FAM117B: variants seen among roughly 807,000 people sequenced by gnomAD.
FAM117B encodes the protein family with sequence similarity 117 member B.
Under a neutral mutation model 52.8 loss-of-function variants are expected in FAM117B, and 22 were observed. The ratio of observed to expected loss-of-function variants is 0.42; its 90% confidence interval spans 0.30 to 0.59. The LOEUF (loss-of-function observed/expected upper bound fraction) is 0.59, where lower values mean the gene tolerates loss of function less well. FAM117B is among the 20% of genes least tolerant of loss of function. The pLI is 0.22. For synonymous variants in FAM117B, 309 were observed against 324.1 expected, an observed-to-expected ratio of 0.95 and a Z score of 0.50; for missense variants, 678 against 802.6, an observed-to-expected ratio of 0.84 and a Z score of 1.88.
chr2:202,744,895 T>C (rs1691606663), intron 4 of FAM117B, among the ~76,000 whole-genome samples: 1 of 145,042 alleles, frequency 6.9e-6, no homozygotes, highest in South Asian at 2.2e-4. Flanking sequence ...GAGAATCACT[T>C]GAACCCGGGA....
chr2:202,656,870 A>G lies in FAM117B; in HGVS notation c.601+21082A>G, dbSNP rs778697974. Among the ~76,000 whole-genome samples, 7 of 152,156 alleles carry G rather than the reference A, an allele frequency of 4.6e-5. No individual in the cohort carries two copies. The South Asian group carries it at 1.0e-3, about 23-fold the overall frequency. Reference sequence around the variant, plus strand: ...TTTGAAGCTTTAAAAAAAAGTCCATAAACATTTAGAATTGTTATATATTTT... The same window carrying G: ...TTTGAAGCTTTAAAAAAAAGTCCATGAACATTTAGAATTGTTATATATTTT... On this transcript the variant is annotated intron_variant, in intron 1 of 7. Transcript: ENST00000392238.
intron 1 of FAM117B, among the ~76,000 whole-genome samples, chr2:202,675,284 A>G (rs1690360953): frequency 2.0e-5 from 3 of 151,754 alleles, no homozygotes; most frequent in African/African-American, 7.3e-5. Context: ...TGTCTCTACA[A>G]AAAATACAAA....
intron 2 of FAM117B, among the ~76,000 whole-genome samples, chr2:202,698,245 A>G (rs1192829313): frequency 1.3e-5 from 2 of 152,208 alleles, no homozygotes; most frequent in Admixed American, 6.5e-5. Flanking sequence ...CCAAAATTCC[A>G]GGTATTCTTA....
At chr2:202,703,387 G>A (rs1690824493) in intron 2 of FAM117B, among the ~76,000 whole-genome samples, 1 of 152,126 alleles carries the variant, frequency 6.6e-6, no homozygotes, top group Admixed American at 6.5e-5. Context: ...CTCCTTCCCT[G>A]TGTTGCCTAG....
chr2:202,718,472 CTTTAT>C (rs1231707331), intron 2 of FAM117B, among the ~76,000 whole-genome samples: 2 of 151,826 alleles, frequency 1.3e-5, no homozygotes, highest in East Asian at 3.9e-4. Flanking sequence ...TAATGCTGTT[CTTTAT>C]TTTGTTAATG....
chr2:202,695,416 C>G (rs948902968), intron 1 of FAM117B, among the ~76,000 whole-genome samples: 2 of 152,220 alleles, frequency 1.3e-5, no homozygotes, highest in African/African-American at 4.8e-5. Context: ...CCACCAGGAA[C>G]GTGAATCATT....
At chr2:202,753,360 A>G (rs1035656037) in intron 4 of FAM117B, among the ~76,000 whole-genome samples, 2 of 152,212 alleles carry the variant, frequency 1.3e-5, no homozygotes, top group Non-Finnish European at 2.9e-5. Context: ...CCTTATACAA[A>G]AATTAAGATG....
intron 1 of FAM117B, among the ~76,000 whole-genome samples, chr2:202,694,028 A>T (rs754007760): frequency 3.3e-5 from 5 of 152,028 alleles, no homozygotes; most frequent in African/African-American, 1.2e-4. Context: ...ACTGGCAACT[A>T]TGGGGTAAGG....
At chr2:202,717,635 C>T (rs1418892824) in intron 2 of FAM117B, among the ~76,000 whole-genome samples, 3 of 152,212 alleles carry the variant, frequency 2.0e-5, no homozygotes, top group South Asian at 4.2e-4. Context: ...GACCCTTGTT[C>T]GGTTCTGTTT....
At position 202,767,975 on chromosome 2, in the gene FAM117B, A is replaced by G. The variant is rs943408553; in HGVS notation, c.*2211A>G. On this transcript the variant is annotated 3_prime_UTR_variant, in exon 8 of 8. Transcript: ENST00000392238. ...GCCTTGATATTTTGCCTTCTTTGTTATGCATTATAACTTGACTGTATCACC... is the reference window on the plus strand; with the variant it reads ...GCCTTGATATTTTGCCTTCTTTGTTGTGCATTATAACTTGACTGTATCACC... 8 of 152,198 alleles carry G rather than the reference A, an allele frequency of 5.3e-5. No homozygotes were observed. The highest frequency in any genetic ancestry group is 6.5e-5 in the Admixed American group (1 of 15,276). 9.4% of individuals were successfully genotyped at this position (152,198 alleles called of 1,614,324 possible).
intron 1 of FAM117B, among the ~76,000 whole-genome samples, chr2:202,654,062 TGAGAGAGA>T (rs60490884): frequency 0.094 from 12,725 of 134,826 alleles, 1,857 homozygotes; most frequent in African/African-American, 0.32. Flanking sequence ...AGAGAGTGAG[TGAGAGAGA>T]GAGAGAGAGA....
chr2:202,705,916 A>C (rs1690863245), intron 2 of FAM117B, among the ~76,000 whole-genome samples: 1 of 152,176 alleles, frequency 6.6e-6, no homozygotes, highest in Non-Finnish European at 1.5e-5. Context: ...CAACTTTCTT[A>C]ACCTAGGCTT....
Position 202,640,708 on chromosome 2 carries a change from C to T in FAM117B, c.601+4920C>T, listed in dbSNP as rs1181189294. ...CACTGCAACCTCTGCCTCCGGGGTT[C>T]GGGTAATTCTCCCGCCTTAGCTTCC... On this transcript the variant is annotated intron_variant, in intron 1 of 7. Coordinates refer to ENST00000392238, the MANE Select transcript of FAM117B (RefSeq NM_173511.4). 4.6e-5 allele frequency among the ~76,000 whole-genome samples: 7 copies of T among 151,630 alleles called. No individual in the cohort carries two copies. The East Asian group carries it at 7.8e-4, about 17-fold the overall frequency.
intron 1 of FAM117B, among the ~76,000 whole-genome samples, chr2:202,672,038 C>A (rs915712948): frequency 6.6e-6 from 1 of 152,128 alleles, no homozygotes; most frequent in Non-Finnish European, 1.5e-5. Context: ...GTGGCCAGAC[C>A]AGTTGCATGG....
At chr2:202,675,417 G>A (rs1459087376) in intron 1 of FAM117B, among the ~76,000 whole-genome samples, 1 of 131,906 alleles carries the variant, frequency 7.6e-6, no homozygotes, top group African/African-American at 3.0e-5. Context: ...CCGCACTACC[G>A]CCTGGGCGAC....
Position 202,635,226 on chromosome 2 carries a change from G to C in FAM117B, c.39G>C (p.Pro13=). The change falls in exon 1 of 8, where the codon CCG becomes CCC. Residue 13 remains proline, a synonymous_variant. Coordinates refer to ENST00000392238, the MANE Select transcript of FAM117B (RefSeq NM_173511.4). ...TGAGGCGCAATGGGTCCCCCACGCC[G>C]GCCGGCTCCCTTGGGGGTGGTGCGG... ...QRVRRNGSPT[P]AGSLGGGAVA... 1 of 1,306,940 alleles carries C rather than the reference G, an allele frequency of 7.7e-7. No homozygotes were observed. The allele number at this position is 1,306,940 out of a possible 1,614,324, so 81.0% of individuals were successfully genotyped here. A position where few individuals can be genotyped will look rare whatever the true frequency, so the allele number is the denominator to read the frequency against.
intron 4 of FAM117B, among the ~76,000 whole-genome samples, chr2:202,727,638 G>A (rs193292495): frequency 6.6e-6 from 1 of 152,270 alleles, no homozygotes; most frequent in Admixed American, 6.5e-5. Flanking sequence ...ACAGGAGGAT[G>A]TTCCTAAATC....
intron 1 of FAM117B, among the ~76,000 whole-genome samples, chr2:202,692,747 T>A (rs1690654265): frequency 1.3e-5 from 2 of 152,200 alleles, no homozygotes; most frequent in Non-Finnish European, 2.9e-5. Flanking sequence ...CATAACTTTG[T>A]CATTATGATT....
chr2:202,691,457 A>G (rs945412561), intron 1 of FAM117B, among the ~76,000 whole-genome samples: 6 of 151,388 alleles, frequency 4.0e-5, no homozygotes, highest in African/African-American at 1.2e-4. Context: ...AATTTTAATA[A>G]TCTTTGGCGG....
Sources: gnomAD v4.1 joint callset for allele counts (sites outside exome capture counted in the v4.1 genomes callset) on GRCh38, gnomAD v4.1.1 for gene constraint, MANE v1.5 for transcripts, NCBI Gene and HGNC (gene_info 2026-07-23, HGNC 2026-07-21) for gene names.